FSTL4: variants seen among roughly 807,000 people sequenced by gnomAD.
The protein encoded by FSTL4 is follistatin-related protein 4.
In FSTL4, 28 loss-of-function variants were observed where a neutral mutation model predicts 78.2. The observed-to-expected ratio is 0.36, with a 90% CI of 0.27 to 0.49. The LOEUF is 0.49. Ranked by LOEUF, FSTL4 falls within the 20% of genes least tolerant of loss-of-function variation. FSTL4 has a pLI of 0.98. For synonymous variants in FSTL4, 422 were observed against 440.5 expected, an observed-to-expected ratio of 0.96 and a Z score of 0.53; for missense variants, 922 against 1,084.9, an observed-to-expected ratio of 0.85 and a Z score of 2.11.
At chr5:133,493,961 C>T (rs1449618580) in intron 3 of FSTL4, among the ~76,000 whole-genome samples, 3 of 152,156 alleles carry the variant, frequency 2.0e-5, no homozygotes, top group Admixed American at 2.0e-4. Flanking sequence ...ATCACTGCTT[C>T]AGACTACACA....
intron 4 of FSTL4, among the ~76,000 whole-genome samples, chr5:133,317,452 T>C (rs1463304781): frequency 1.3e-5 from 2 of 152,204 alleles, no homozygotes. Flanking sequence ...CCCGACTCCC[T>C]GGGGGATGAG....
Position 133,213,322 on chromosome 5 carries a change from T to A in FSTL4, c.1609-3024A>T, listed in dbSNP as rs575225620. ...CTGGCCTGAGAAATACAAAGTAAAG[T>A]AAAGATATTTGAAAAGAAAAACTGT... On this transcript the variant is annotated intron_variant, in intron 13 of 15. Transcript: ENST00000265342. Among the ~76,000 whole-genome samples the A allele has an allele frequency of 1.3e-4, 19 of 146,764 alleles. No homozygotes were observed. In the South Asian group the frequency reaches 3.4e-3, roughly 26 times the overall value.
chr5:133,652,786 C>T, the FSTL4 span, among the ~76,000 whole-genome samples: 97,227 of 152,024 alleles, frequency 0.64, 31,851 homozygotes, highest in African/African-American at 0.78. Context: ...CTGGTTAACA[C>T]TGATATCCAG....
the FSTL4 span, among the ~76,000 whole-genome samples, chr5:133,790,937 A>G: frequency 6.6e-6 from 1 of 152,172 alleles, no homozygotes; most frequent in South Asian, 2.1e-4. Context: ...ATACACACAC[A>G]AAATAATACT....
intron 4 of FSTL4, among the ~76,000 whole-genome samples, chr5:133,365,771 G>T (rs1166238219): frequency 6.6e-6 from 1 of 152,258 alleles, no homozygotes; most frequent in Non-Finnish European, 1.5e-5. Context: ...CCTGAACAAA[G>T]TATCTTCAAC....
chr5:133,681,377 C>A, the FSTL4 span, among the ~76,000 whole-genome samples: 3 of 152,218 alleles, frequency 2.0e-5, no homozygotes, highest in Non-Finnish European at 4.4e-5. Flanking sequence ...ACTGCAACAG[C>A]CCTTCTTCAC....
chr5:133,301,726 T>C (rs1017984881), intron 6 of FSTL4, among the ~76,000 whole-genome samples: 3 of 152,316 alleles, frequency 2.0e-5, no homozygotes, highest in African/African-American at 4.8e-5. Context: ...TCCAAGGGCA[T>C]AGCTTGCAGG....
intron 3 of FSTL4, among the ~76,000 whole-genome samples, chr5:133,502,017 G>T (rs1281565392): frequency 6.6e-6 from 1 of 152,180 alleles, no homozygotes. Context: ...GGGACACCTG[G>T]GGCTTCCAGA....
chr5:133,719,953 A>T, the FSTL4 span, among the ~76,000 whole-genome samples: 1 of 152,170 alleles, frequency 6.6e-6, no homozygotes, highest in African/African-American at 2.4e-5. Context: ...TTCTTTATGA[A>T]CTTTGAAATA....
At chr5:133,564,572 G>A (rs943973720) in intron 3 of FSTL4, among the ~76,000 whole-genome samples, 1 of 152,194 alleles carries the variant, frequency 6.6e-6, no homozygotes, top group Non-Finnish European at 1.5e-5. Flanking sequence ...AAGAAGGCAG[G>A]AGGGTCTCTG....
intron 12 of FSTL4, among the ~76,000 whole-genome samples, chr5:133,219,445 C>T (rs139314153): frequency 7.9e-5 from 12 of 152,242 alleles, no homozygotes; most frequent in Middle Eastern, 6.8e-3. Context: ...GGATTTGAAC[C>T]CAAGTCTACC....
chr5:133,412,306 A>G (rs1369155243), intron 3 of FSTL4, among the ~76,000 whole-genome samples: 1 of 152,164 alleles, frequency 6.6e-6, no homozygotes, highest in Non-Finnish European at 1.5e-5. Flanking sequence ...GAAAAGGCAA[A>G]TCAGTGACTG....
intron 3 of FSTL4, among the ~76,000 whole-genome samples, chr5:133,403,964 G>GCCTT (rs1401273866): frequency 6.6e-6 from 1 of 152,192 alleles, no homozygotes; most frequent in Admixed American, 6.5e-5. Flanking sequence ...GGCTCCCATG[G>GCCTT]CCTTCCCTGC....
chr5:133,746,207 G>A, the FSTL4 span, among the ~76,000 whole-genome samples: 441 of 152,310 alleles, frequency 2.9e-3, 3 homozygotes, highest in African/African-American at 0.01. Context: ...AAAGATTTGA[G>A]ATCTGCAAAT....
the FSTL4 span, among the ~76,000 whole-genome samples, chr5:133,789,462 T>C: frequency 6.6e-6 from 1 of 152,328 alleles, no homozygotes; most frequent in South Asian, 2.1e-4. Flanking sequence ...GTTCAATGAC[T>C]CTTCAGGTCC....
chr5:133,472,987 A>G (rs1249284799), intron 3 of FSTL4, among the ~76,000 whole-genome samples: 3 of 151,964 alleles, frequency 2.0e-5, no homozygotes, highest in African/African-American at 7.3e-5. Flanking sequence ...TGGCAGGGGG[A>G]GCTCCTGCCC....
chr5:133,537,016 G>A (rs1158601116), intron 3 of FSTL4, among the ~76,000 whole-genome samples: 1 of 152,140 alleles, frequency 6.6e-6, no homozygotes, highest in Non-Finnish European at 1.5e-5. Context: ...CTAGAGTACG[G>A]CATTTTCAGC....
At chr5:133,741,275 G>A in the FSTL4 span, among the ~76,000 whole-genome samples, 1 of 152,222 alleles carries the variant, frequency 6.6e-6, no homozygotes, top group Non-Finnish European at 1.5e-5. Context: ...AAGAAAGGGG[G>A]ATGAAAGAGC....
At position 133,611,432 on chromosome 5, in the gene FSTL4, C is replaced by T. The variant is rs1290583282; in HGVS notation, c.-11+893G>A. ...ACTAGCGTCAGCTCGTCCCCAAACT[C>T]GAGGCGACAGGCGCCGAAAGCAGAG... On this transcript the variant is annotated intron_variant, in intron 1 of 15. Transcript: ENST00000265342. This position sits in a 1 kb window ranked among gnomAD's most constrained non-coding sequence, Gnocchi z 4.9. 1.3e-5 allele frequency among the ~76,000 whole-genome samples: 2 copies of T among 152,226 alleles called. No homozygotes were observed. The highest frequency in any genetic ancestry group is 2.9e-5 in the Non-Finnish European group (2 of 68,050).
Sources: allele counts gnomAD v4.1 joint callset (sites outside exome capture counted in the v4.1 genomes callset), GRCh38; gene constraint gnomAD v4.1.1; non-coding constraint Gnocchi (gnomAD v3.1); transcripts MANE v1.5; gene names NCBI Gene and HGNC (gene_info 2026-07-23, HGNC 2026-07-21).